The following CSMD3 variants were observed in gnomAD, a reference collection of about 807,000 sequenced individuals.
CSMD3 encodes CUB and Sushi multiple domains 3.
Under a neutral mutation model 435.2 loss-of-function variants are expected in CSMD3, and 177 were observed. That is an observed-to-expected ratio of 0.41 (90% CI 0.36 to 0.46). The LOEUF is 0.46. Ranked by LOEUF, CSMD3 falls within the 20% of genes least tolerant of loss-of-function variation. The pLI, the probability that CSMD3 is intolerant of heterozygous loss-of-function variation, is 0.34. For synonymous variants in CSMD3, 1,656 were observed against 1,520.5 expected (o/e 1.09, Z -2.07); for missense variants, 4,265 against 4,504.6 (o/e 0.95, Z 1.52).
At position 113,033,102 on chromosome 8, in the gene CSMD3, C is replaced by T. The variant is rs1220657648; in HGVS notation, c.918-13923G>A. Among the ~76,000 whole-genome samples the T allele has an allele frequency of 1.3e-5, 2 of 151,510 alleles. 1 individual carries two copies. The highest frequency in any genetic ancestry group is 3.0e-5 in the Non-Finnish European group (2 of 67,756). ...ACACCTGGATGTCCAGGCAGAAGAG[C>T]TCTCATGAAGAACCTCTACTAGGGC... On this transcript the variant is annotated intron_variant, in intron 5 of 70. Transcript: ENST00000297405.
At chr8:112,603,570 G>A (rs1563757899) in intron 22 of CSMD3, among the ~76,000 whole-genome samples, 1 of 152,134 alleles carries the variant, frequency 6.6e-6, no homozygotes, top group Non-Finnish European at 1.5e-5. Flanking sequence ...GCCATGTATG[G>A]TCTGTAAGTG....
At chr8:112,511,637 G>A (rs181515509) in intron 28 of CSMD3, among the ~76,000 whole-genome samples, 3 of 152,044 alleles carry the variant, frequency 2.0e-5, no homozygotes, top group African/African-American at 7.2e-5. Context: ...TGATCCGCTC[G>A]TCTCGGCCTC....
intron 28 of CSMD3, among the ~76,000 whole-genome samples, chr8:112,512,185 G>A (rs1823213541): frequency 6.6e-6 from 1 of 152,066 alleles, no homozygotes; most frequent in African/African-American, 2.4e-5. Flanking sequence ...GTTCTTAATG[G>A]CATCTAAAAT....
intron 5 of CSMD3, among the ~76,000 whole-genome samples, chr8:113,093,138 T>C (rs975637227): frequency 6.6e-6 from 1 of 152,080 alleles, no homozygotes; most frequent in African/African-American, 2.4e-5. Context: ...CTCATTAAGA[T>C]CCTGTTATTT....
At chr8:113,378,020 G>T (rs1278446037) in intron 1 of CSMD3, among the ~76,000 whole-genome samples, 1 of 152,004 alleles carries the variant, frequency 6.6e-6, no homozygotes, top group Non-Finnish European at 1.5e-5. Flanking sequence ...AATAAATAAG[G>T]CTGATACAAT....
At chr8:112,798,553 T>G (rs1409246424) in intron 13 of CSMD3, among the ~76,000 whole-genome samples, 1 of 151,832 alleles carries the variant, frequency 6.6e-6, no homozygotes, top group Admixed American at 6.6e-5. Flanking sequence ...GTGAATTGTT[T>G]AATTACTATT....
chr8:112,653,198 G>A (rs921387014), intron 18 of CSMD3, among the ~76,000 whole-genome samples: 3 of 152,116 alleles, frequency 2.0e-5, no homozygotes, highest in African/African-American at 7.2e-5. Context: ...ACATTAACAT[G>A]TTATCTTTTT....
intron 1 of CSMD3, among the ~76,000 whole-genome samples, chr8:113,378,977 G>C (rs1316452108): frequency 6.6e-6 from 1 of 152,156 alleles, no homozygotes; most frequent in Non-Finnish European, 1.5e-5. Context: ...GATCATGAAG[G>C]AGCTTGTAGT....
intron 59 of CSMD3, among the ~76,000 whole-genome samples, chr8:112,276,634 C>T (rs1004124011): frequency 2.0e-5 from 3 of 152,090 alleles, no homozygotes; most frequent in Non-Finnish European, 4.4e-5. Context: ...ATCCAAGCCA[C>T]TCTAGCCATG....
chr8:112,640,888 A>C (rs1379457678), intron 20 of CSMD3, among the ~76,000 whole-genome samples: 1 of 152,144 alleles, frequency 6.6e-6, no homozygotes, highest in East Asian at 1.9e-4. Context: ...AAGAGAAATA[A>C]ATCATCATGT....
chr8:112,633,151 TCTC>T (rs1464985049), intron 22 of CSMD3, among the ~76,000 whole-genome samples: 1 of 152,020 alleles, frequency 6.6e-6, no homozygotes, highest in East Asian at 1.9e-4. Context: ...TCAAGATTAT[TCTC>T]CTGCTTCTAC....
chr8:112,807,499 GGTAGGTA>G (rs1563980435), intron 12 of CSMD3, among the ~76,000 whole-genome samples: 3 of 138,988 alleles, frequency 2.2e-5, no homozygotes, highest in African/African-American at 9.3e-5. Flanking sequence ...TAGGTAGGTA[GGTAGGTA>G]GGTAGGTAGG....
intron 9 of CSMD3, among the ~76,000 whole-genome samples, chr8:112,936,978 G>C (rs2083298135): frequency 6.6e-6 from 1 of 151,918 alleles, no homozygotes; most frequent in African/African-American, 2.4e-5. Context: ...ATTACAGCTT[G>C]TTTTCTCCCT....
At chr8:113,319,769 T>C (rs2093936565) in intron 1 of CSMD3, among the ~76,000 whole-genome samples, 1 of 152,084 alleles carries the variant, frequency 6.6e-6, no homozygotes, top group Non-Finnish European at 1.5e-5. Context: ...ACTGTTGAGA[T>C]TACTATTGTG....
At chr8:112,802,618 G>A (rs2078985515) in intron 12 of CSMD3, among the ~76,000 whole-genome samples, 2 of 151,612 alleles carry the variant, frequency 1.3e-5, no homozygotes, top group African/African-American at 4.9e-5. Flanking sequence ...ATTTTATGGA[G>A]AGCTTTTACT....
chr8:112,256,263 A>T (rs114178034), intron 61 of CSMD3, among the ~76,000 whole-genome samples: 1 of 152,054 alleles, frequency 6.6e-6, no homozygotes, highest in African/African-American at 2.4e-5. Flanking sequence ...TAGCAAGTTT[A>T]AGAAAAGGTA....
intron 3 of CSMD3, among the ~76,000 whole-genome samples, chr8:113,232,360 C>A (rs1046482173): frequency 6.6e-6 from 1 of 151,498 alleles, no homozygotes; most frequent in Non-Finnish European, 1.5e-5. Context: ...TCTCTCTTTT[C>A]CACTGTTTGG....
At chr8:112,444,293 T>C (rs955094398) in intron 32 of CSMD3, among the ~76,000 whole-genome samples, 11 of 152,224 alleles carry the variant, frequency 7.2e-5, no homozygotes, top group Admixed American at 5.2e-4. Context: ...TGGGAAACTA[T>C]TTGGCAATTT....
chr8:112,572,904 A>G (rs1829649399), intron 24 of CSMD3, among the ~76,000 whole-genome samples: 1 of 43,150 alleles, frequency 2.3e-5, no homozygotes, highest in Admixed American at 3.3e-4. Flanking sequence ...AATTCATATA[A>G]CAATTGATGA....
Sources: allele counts gnomAD v4.1 joint callset (sites outside exome capture counted in the v4.1 genomes callset), GRCh38; gene constraint gnomAD v4.1.1; transcripts MANE v1.5; gene names NCBI Gene and HGNC (gene_info 2026-07-23, HGNC 2026-07-21).